MAP4K3: variants seen among roughly 807,000 people sequenced by gnomAD.
MAP4K3 encodes MAPK/ERK kinase kinase kinase 3.
Under a neutral mutation model 143.5 loss-of-function variants are expected in MAP4K3, and 94 were observed. The observed-to-expected ratio is 0.65, with a 90% CI of 0.55 to 0.78. MAP4K3 has a LOEUF of 0.78. MAP4K3 is among the 30% of genes least tolerant of loss of function. The pLI is 0.00. For synonymous variants in MAP4K3, 416 were observed against 347.2 expected (o/e 1.20, Z -2.20); for missense variants, 1,077 against 1,068.1 (o/e 1.01, Z -0.12).
intron 33 of MAP4K3, among the ~76,000 whole-genome samples, chr2:39,251,246 T>C (rs142974057): frequency 1.3e-5 from 2 of 152,302 alleles, no homozygotes; most frequent in African/African-American, 4.8e-5. Flanking sequence ...ATTTATCAGG[T>C]TGCCCTCCCC....
intron 1 of MAP4K3, among the ~76,000 whole-genome samples, chr2:39,418,217 AAC>A (rs1667439479): frequency 2.0e-5 from 3 of 151,804 alleles, no homozygotes; most frequent in South Asian, 2.1e-4. Context: ...AAAAAAAAAA[AAC>A]AAATGATGGG....
In MAP4K3 at chr2:39,374,080, T is replaced by G. The variant is rs145559676; in HGVS notation, c.154+3986A>C. 8.5e-5 allele frequency among the ~76,000 whole-genome samples: 13 copies of G among 152,314 alleles called. No individual in the cohort carries two copies. In the East Asian group the frequency reaches 2.5e-3, roughly 29 times the overall value. On this transcript the variant is annotated intron_variant, in intron 2 of 33. Coordinates refer to ENST00000263881, the MANE Select transcript of MAP4K3 (RefSeq NM_003618.4). ...ATAGCTCATGTAACCCAGAAATATA[T>G]ATGCCTACTATGTACCCACGAAAAT... is the stretch of plus-strand genomic sequence containing the variant.
At chr2:39,362,497 T>C (rs186650342) in intron 2 of MAP4K3, among the ~76,000 whole-genome samples, 6 of 152,218 alleles carry the variant, frequency 3.9e-5, no homozygotes, top group African/African-American at 9.6e-5. Context: ...TACCTAGTAA[T>C]AGACTTAACC....
At chr2:39,357,830 T>A (rs994101349) in intron 2 of MAP4K3, among the ~76,000 whole-genome samples, 1 of 152,216 alleles carries the variant, frequency 6.6e-6, no homozygotes, top group Non-Finnish European at 1.5e-5. Flanking sequence ...ACTTTTAGTT[T>A]CTCACTCAAC....
At chr2:39,313,581 A>C (rs977689301) in intron 13 of MAP4K3, among the ~76,000 whole-genome samples, 1 of 151,596 alleles carries the variant, frequency 6.6e-6, no homozygotes, top group African/African-American at 2.4e-5. Context: ...GCAGGATCTC[A>C]GCTCACTGCA....
intron 3 of MAP4K3, among the ~76,000 whole-genome samples, chr2:39,344,094 T>A (rs1272780685): frequency 6.6e-6 from 1 of 152,096 alleles, no homozygotes; most frequent in Non-Finnish European, 1.5e-5. Flanking sequence ...GGACAGAAAA[T>A]CCCTGAACTC....
chr2:39,347,560 C>A (rs186634991), intron 3 of MAP4K3, among the ~76,000 whole-genome samples: 1 of 152,132 alleles, frequency 6.6e-6, no homozygotes, highest in East Asian at 1.9e-4. Context: ...GTTTTCTACT[C>A]CTTTTGTTAT....
At chr2:39,356,082 C>T in intron 3 of MAP4K3, 167 bp downstream of exon 3, 1 of 520,552 alleles carries the variant, frequency 1.9e-6, no homozygotes, top group Non-Finnish European at 3.4e-6. Flanking sequence ...ATATTGGTTA[C>T]AGAATTAACA....
chr2:39,361,389 T>C lies in MAP4K3; in HGVS notation c.155-5050A>G, dbSNP rs1665766651. On this transcript the variant is annotated intron_variant, in intron 2 of 33. Transcript: ENST00000263881. Reference sequence around the variant, plus strand: ...TGTTTCCCTAGCACATTAGACTCTTTCAATATAAATGAATTAATGAATTAT... The same window carrying C: ...TGTTTCCCTAGCACATTAGACTCTTCCAATATAAATGAATTAATGAATTAT... Among the ~76,000 whole-genome samples, 4 of 152,008 alleles carry C rather than the reference T, an allele frequency of 2.6e-5. No homozygotes were observed. In the South Asian group the frequency reaches 8.3e-4, roughly 31 times the overall value.
intron 1 of MAP4K3, among the ~76,000 whole-genome samples, chr2:39,427,966 C>G (rs1257039665): frequency 2.0e-5 from 3 of 152,206 alleles, no homozygotes; most frequent in African/African-American, 7.2e-5. Context: ...CATATTTACT[C>G]TTTTGGTATG....
At chr2:39,368,154 A>C (rs1665976304) in intron 2 of MAP4K3, among the ~76,000 whole-genome samples, 1 of 152,150 alleles carries the variant, frequency 6.6e-6, no homozygotes, top group Admixed American at 6.5e-5. Flanking sequence ...AATCCTCTGG[A>C]GTATATCGCG....
At chr2:39,391,751 T>C (rs1666666724) in intron 1 of MAP4K3, among the ~76,000 whole-genome samples, 1 of 152,090 alleles carries the variant, frequency 6.6e-6, no homozygotes. Flanking sequence ...TGAGCATTGA[T>C]TTCTAACATT....
chr2:39,255,202 G>A (rs1001172233), intron 31 of MAP4K3, among the ~76,000 whole-genome samples: 5 of 151,950 alleles, frequency 3.3e-5, no homozygotes, highest in African/African-American at 1.2e-4. Flanking sequence ...GAACATTGAG[G>A]TTATTTCTAG....
chr2:39,323,008 C>T (rs985668405), intron 12 of MAP4K3, among the ~76,000 whole-genome samples: 1 of 152,088 alleles, frequency 6.6e-6, no homozygotes, highest in Non-Finnish European at 1.5e-5. Flanking sequence ...TCTAGTATCA[C>T]AGTAAGTGCT....
In MAP4K3 at chr2:39,258,344, T is replaced by C. The variant is rs754393218; in HGVS notation, c.2470+4A>G. On this transcript the variant is annotated splice_donor_region_variant and intron_variant, in intron 31 of 33. Transcript: ENST00000263881. ...ATGCAAAGAATTATAAAACTTTGAC[T>C]TACCTATTGATTCAATCTGGAAATC... 2.6e-6 allele frequency: 4 copies of C among 1,565,176 alleles called. No homozygotes were observed. The highest frequency in any genetic ancestry group is 3.5e-6 in the Non-Finnish European group (4 of 1,146,900).
intron 1 of MAP4K3, among the ~76,000 whole-genome samples, chr2:39,406,315 T>C (rs141097829): frequency 2.6e-4 from 40 of 152,240 alleles, no homozygotes; most frequent in African/African-American, 8.4e-4. Flanking sequence ...GTAGAAAGTG[T>C]ATTCAAAGGG....
chr2:39,394,331 T>C (rs180725352), intron 1 of MAP4K3, among the ~76,000 whole-genome samples: 10 of 152,278 alleles, frequency 6.6e-5, no homozygotes, highest in South Asian at 4.1e-4. Flanking sequence ...TAAGGACACG[T>C]TGCACTACAG....
At chr2:39,360,541 C>A (rs1416769682) in intron 2 of MAP4K3, among the ~76,000 whole-genome samples, 3 of 152,180 alleles carry the variant, frequency 2.0e-5, no homozygotes, top group Non-Finnish European at 4.4e-5. Flanking sequence ...TACAGCAGCA[C>A]CCCACTCCTG....
intron 24 of MAP4K3, among the ~76,000 whole-genome samples, chr2:39,276,768 C>T (rs1681270426): frequency 2.0e-5 from 3 of 152,148 alleles, no homozygotes; most frequent in Admixed American, 2.0e-4. Context: ...TTTTATGTTC[C>T]TGACTCGTGG....
Sources: gnomAD v4.1 joint callset for allele counts (sites outside exome capture counted in the v4.1 genomes callset) on GRCh38, gnomAD v4.1.1 for gene constraint, MANE v1.5 for transcripts, NCBI Gene and HGNC (gene_info 2026-07-23, HGNC 2026-07-21) for gene names.